The following SAMD12 variants were observed in gnomAD, a reference collection of about 807,000 sequenced individuals.
SAMD12 encodes sterile alpha motif domain-containing protein 12.
In SAMD12, 9 loss-of-function variants were observed where a neutral mutation model predicts 15.0. The observed-to-expected ratio is 0.60, with a 90% confidence interval of 0.36 to 1.05. The LOEUF is 1.05. SAMD12 is among the 50% of genes least tolerant of loss of function. SAMD12 has a pLI of 0.01. For synonymous variants in SAMD12, 86 were observed against 90.1 expected, an observed-to-expected ratio of 0.96 and a Z score of 0.25; for missense variants, 230 against 234.2, an observed-to-expected ratio of 0.98 and a Z score of 0.12.
chr8:118,232,195 A>G (rs1812326117), intron 4 of SAMD12, among the ~76,000 whole-genome samples: 1 of 152,184 alleles, frequency 6.6e-6, no homozygotes, highest in African/African-American at 2.4e-5. Flanking sequence ...AGTTGTGTTC[A>G]GGAGACCATT....
At chr8:118,587,690 AT>A (rs1827487017) in intron 1 of SAMD12, among the ~76,000 whole-genome samples, 1 of 152,220 alleles carries the variant, frequency 6.6e-6, no homozygotes, top group African/African-American at 2.4e-5. Flanking sequence ...GGCTACAAAG[AT>A]GAAAAAAAGT....
At chr8:118,512,475 T>C (rs1409138076) in intron 2 of SAMD12, among the ~76,000 whole-genome samples, 3 of 152,198 alleles carry the variant, frequency 2.0e-5, no homozygotes, top group Non-Finnish European at 2.9e-5. Context: ...TTTGAACATA[T>C]ATCAGCTTGC....
chr8:118,236,448 G>A (rs146241430), intron 4 of SAMD12, among the ~76,000 whole-genome samples: 75 of 152,304 alleles, frequency 4.9e-4, no homozygotes, highest in African/African-American at 1.7e-3. Context: ...ATTACCAAGT[G>A]TGAGGCCTAA....
At chr8:118,585,379 T>C (rs1458127753) in intron 1 of SAMD12, among the ~76,000 whole-genome samples, 1 of 152,170 alleles carries the variant, frequency 6.6e-6, no homozygotes, top group Non-Finnish European at 1.5e-5. Context: ...ATGATGGTTA[T>C]ACAATAATGT....
chr8:118,194,705 TCAC>T (rs1256905122), exon 5 of SAMD12: 1 of 152,180 alleles, frequency 6.6e-6, no homozygotes, highest in Non-Finnish European at 1.5e-5. Flanking sequence ...CAAACAAAAC[TCAC>T]CACAACTATT....
At chr8:118,543,624 TTTC>T (rs1237469185) in intron 2 of SAMD12, among the ~76,000 whole-genome samples, 22 of 137,024 alleles carry the variant, frequency 1.6e-4, no homozygotes, top group African/African-American at 6.2e-4. Context: ...CTTTTCTTTC[TTTC>T]TTTCTTTTTT....
intron 4 of SAMD12, among the ~76,000 whole-genome samples, chr8:118,214,147 T>C (rs1005118545): frequency 4.6e-5 from 7 of 152,204 alleles, no homozygotes; most frequent in African/African-American, 1.4e-4. Context: ...TGTGGATTGA[T>C]TGATCTCAGT....
the SAMD12 span, among the ~76,000 whole-genome samples, chr8:118,155,927 A>G: frequency 2.0e-5 from 3 of 152,344 alleles, no homozygotes; most frequent in African/African-American, 4.8e-5. Flanking sequence ...ATTAAGTGTC[A>G]CAGGCATAGA....
intron 4 of SAMD12, among the ~76,000 whole-genome samples, chr8:118,311,094 G>T (rs1254252735): frequency 2.0e-5 from 3 of 152,200 alleles, no homozygotes; most frequent in African/African-American, 7.2e-5. Context: ...AAGTACAAAG[G>T]TGAGGCTCAG....
chr8:118,222,697 G>A (rs1051685106), intron 4 of SAMD12, among the ~76,000 whole-genome samples: 4 of 152,096 alleles, frequency 2.6e-5, no homozygotes, highest in African/African-American at 7.2e-5. Flanking sequence ...TAGAGACGGG[G>A]TTTCACCATG....
intron 4 of SAMD12, among the ~76,000 whole-genome samples, chr8:118,366,096 A>T (rs1282764899): frequency 6.6e-6 from 1 of 152,240 alleles, no homozygotes; most frequent in East Asian, 1.9e-4. Context: ...GGCACTCAGC[A>T]AATACACGGT....
chr8:118,506,489 A>G (rs1441402353), intron 2 of SAMD12, among the ~76,000 whole-genome samples: 1 of 152,120 alleles, frequency 6.6e-6, no homozygotes, highest in Non-Finnish European at 1.5e-5. Context: ...CACGGGGAGA[A>G]GGGAAACTGG....
At chr8:118,232,110 C>G (rs1276274582) in intron 4 of SAMD12, among the ~76,000 whole-genome samples, 1 of 152,122 alleles carries the variant, frequency 6.6e-6, no homozygotes, top group Non-Finnish European at 1.5e-5. Flanking sequence ...TTTTTGGTCC[C>G]TCTGTTATAG....
At chr8:118,334,304 A>G (rs1816951908) in intron 4 of SAMD12, among the ~76,000 whole-genome samples, 1 of 152,120 alleles carries the variant, frequency 6.6e-6, no homozygotes, top group African/African-American at 2.4e-5. Context: ...GGCATAAGCT[A>G]TGTACACAGT....
intron 2 of SAMD12, among the ~76,000 whole-genome samples, chr8:118,579,387 C>T (rs548469942): frequency 6.6e-6 from 1 of 152,242 alleles, no homozygotes; most frequent in East Asian, 1.9e-4. Flanking sequence ...TGTTCACAAA[C>T]CAAACTTCAT....
chr8:118,579,138 A>G (rs1267406302), intron 2 of SAMD12, among the ~76,000 whole-genome samples: 1 of 152,174 alleles, frequency 6.6e-6, no homozygotes, highest in Non-Finnish European at 1.5e-5. Flanking sequence ...TTACAAATAT[A>G]GGAGATACAC....
In SAMD12 at chr8:118,478,282, G is replaced by A. The variant is rs1044760002; in HGVS notation, c.193-38321C>T. ...TCTTCCATCAGAGTGTTCCCATTAAGGGAAAGCTGCTGTTCACTTTTCAAT... is the reference window on the plus strand; with the variant it reads ...TCTTCCATCAGAGTGTTCCCATTAAAGGAAAGCTGCTGTTCACTTTTCAAT... On this transcript the variant is annotated intron_variant, in intron 2 of 3. Transcript: ENST00000314727. Among the ~76,000 whole-genome samples, 9 of 152,244 alleles carry A rather than the reference G, an allele frequency of 5.9e-5. No individual in the cohort carries two copies. The East Asian group carries it at 1.7e-3, about 29-fold the overall frequency.
chr8:118,341,694 C>A (rs992254286), intron 4 of SAMD12, among the ~76,000 whole-genome samples: 4 of 152,152 alleles, frequency 2.6e-5, no homozygotes, highest in African/African-American at 4.8e-5. Context: ...GGGCACTGAT[C>A]CAATCACTTC....
At chr8:118,519,513 TAC>T (rs1825332046) in intron 2 of SAMD12, among the ~76,000 whole-genome samples, 1 of 152,252 alleles carries the variant, frequency 6.6e-6, no homozygotes, top group African/African-American at 2.4e-5. Context: ...ATGAATGTAG[TAC>T]AATATATCTA....
Sources: gnomAD v4.1 joint callset for allele counts (sites outside exome capture counted in the v4.1 genomes callset) on GRCh38, gnomAD v4.1.1 for gene constraint, MANE v1.5 for transcripts, NCBI Gene and HGNC (gene_info 2026-07-23, HGNC 2026-07-21) for gene names.